Variants in BIRC6 observed in about 807,000 individuals in gnomAD.
The protein encoded by BIRC6 is dual E2 ubiquitin-conjugating enzyme/E3 ubiquitin-protein ligase BIRC6.
A neutral mutation model predicts 503.3 loss-of-function variants in BIRC6; 98 were observed. That is an observed-to-expected ratio of 0.19 (90% confidence interval 0.17 to 0.23). The LOEUF is 0.23. Among genes scored for constraint, BIRC6 ranks in the 10% least tolerant of loss-of-function variants. BIRC6 has a pLI of 1.00. For synonymous variants in BIRC6, 2,240 were observed against 2,078.7 expected (o/e 1.08, Z -2.11); for missense variants, 5,360 against 5,806.0 (o/e 0.92, Z 2.50).
chr2:32,602,926 T>A, intron 70 of BIRC6, 80 bp from the exon 71 acceptor site: 1 of 1,196,052 alleles, frequency 8.4e-7, no homozygotes, highest in Non-Finnish European at 1.2e-6. Flanking sequence ...AGGATAGCAT[T>A]TTGTTTTTAC....
chr2:32,575,389 C>G (rs748441908), intron 66 of BIRC6, 23 bp downstream of exon 66: 11 of 1,602,602 alleles, frequency 6.9e-6, no homozygotes, highest in Non-Finnish European at 9.4e-6. Context: ...ATGTTCATTT[C>G]TCTTGAGTTT....
chr2:32,504,922 T>C, intron 49 of BIRC6, 83 bp from the exon 50 acceptor site: 8 of 1,228,176 alleles, frequency 6.5e-6, no homozygotes, highest in Admixed American at 2.3e-5. Context: ...ATTTTTCTAG[T>C]TTAATTGTAT....
At chr2:32,379,662 A>G (rs1161467569) in intron 2 of BIRC6, 1 of 152,180 alleles carries the variant, frequency 6.6e-6, no homozygotes, top group East Asian at 1.9e-4. Flanking sequence ...CAGTGTAGAT[A>G]TATTCTTTTC....
intron 66 of BIRC6, among the ~76,000 whole-genome samples, chr2:32,587,550 C>G (rs1437213634): frequency 6.6e-6 from 1 of 151,918 alleles, no homozygotes; most frequent in South Asian, 2.1e-4. Flanking sequence ...AAGGCAAAAC[C>G]CTGTCTCTAC....
intron 3 of BIRC6, among the ~76,000 whole-genome samples, chr2:32,381,976 A>G (rs149825665): frequency 6.6e-6 from 1 of 152,032 alleles, no homozygotes; most frequent in Admixed American, 6.5e-5. Context: ...ACCTTACTCT[A>G]TTGATGGGGC....
At chr2:32,560,227 T>G (rs969792579) in intron 65 of BIRC6, among the ~76,000 whole-genome samples, 1 of 152,240 alleles carries the variant, frequency 6.6e-6, no homozygotes, top group Admixed American at 6.5e-5. Flanking sequence ...TTGAGATATT[T>G]TTTAAAGTAC....
At chr2:32,385,415 A>G (rs2038292091) in intron 3 of BIRC6, among the ~76,000 whole-genome samples, 1 of 152,200 alleles carries the variant, frequency 6.6e-6, no homozygotes, top group Non-Finnish European at 1.5e-5. Context: ...GGTGCTCAAT[A>G]TTATGGTTGG....
At chr2:32,478,267 C>T (rs937800733) in intron 35 of BIRC6, among the ~76,000 whole-genome samples, 2 of 151,672 alleles carry the variant, frequency 1.3e-5, no homozygotes, top group Admixed American at 6.6e-5. Flanking sequence ...AACCTGGGGG[C>T]GATGAGGTTG....
chr2:32,584,546 T>C (rs2060901391), intron 66 of BIRC6, among the ~76,000 whole-genome samples: 1 of 152,004 alleles, frequency 6.6e-6, no homozygotes, highest in South Asian at 2.1e-4. Flanking sequence ...AATAAATAAA[T>C]AAATAAAAGT....
Position 32,543,253 on chromosome 2 carries a change from G to A in BIRC6, c.12304G>A (p.Val4102Ile). 1 of 1,613,710 alleles carries A rather than the reference G, an allele frequency of 6.2e-7. No homozygotes were observed. Among genetic ancestry groups the A allele is most frequent in the Non-Finnish European group, 8.5e-7 (1 of 1,179,646 alleles). Residue 4102 changes from valine (V) to isoleucine (I), a missense_variant, in exon 62 of 74, where the codon GTT becomes ATT. Physicochemically the swap from Val to Ile is conservative, Grantham distance 29. This residue lies in a region of BIRC6 where 878 missense variants were observed against 928.9 expected (regional missense o/e 0.95). Coordinates refer to ENST00000421745, the MANE Select transcript of BIRC6 (RefSeq NM_016252.4). Reference protein sequence around the residue: ...PEVIQQVSAPVVTSTTQEKPK... With the variant: ...PEVIQQVSAPIVTSTTQEKPK... ...TCTTTTTCTTTAGGTGAGTGCTCCA[G>A]TTGTAACATCTACCACTCAGGAAAA...
rs1491452408 is a variant in BIRC6, at chr2:32,473,706, C to CAT, written c.6720+467_6720+468insAT. Among the ~76,000 whole-genome samples, 584 of 72,694 alleles carry CAT rather than the reference C, an allele frequency of 8.0e-3. 5 individuals carry two copies. Among genetic ancestry groups the CAT allele is most frequent in the African/African-American group, 0.031 (564 of 18,090 alleles). The allele number at this position is 72,694 out of a possible 152,430, so 47.7% of individuals were successfully genotyped here. ...TTTCCATGTCTTTTTTCTCCTTTTT[C>CAT]GTGTGTGTGTGTGTGTGTGTGTGTG... On this transcript the variant is annotated intron_variant, in intron 33 of 73. Transcript: ENST00000421745.
chr2:32,502,664 A>G (rs2053334048), intron 47 of BIRC6, 131 bp from the exon 48 acceptor site: 1 of 593,474 alleles, frequency 1.7e-6, no homozygotes, highest in Non-Finnish European at 2.7e-6. Flanking sequence ...ATTTTGGCAG[A>G]CATTTTGTAT....
chr2:32,369,926 T>TAAAAAAAAAAA (rs756693528), intron 1 of BIRC6, among the ~76,000 whole-genome samples: 6 of 37,790 alleles, frequency 1.6e-4, no homozygotes, highest in African/African-American at 3.7e-4. Flanking sequence ...CCCTGTCTCT[T>TAAAAAAAAAAA]AAAAAAAAAA....
chr2:32,519,234 A>G, intron 57 of BIRC6: 1 of 276,950 alleles, frequency 3.6e-6, no homozygotes, highest in East Asian at 7.5e-5. Context: ...CCATCTGGTC[A>G]TTTTATACTA....
intron 9 of BIRC6, 38 bp downstream of exon 9, chr2:32,406,595 C>G (rs773953479): frequency 1.4e-6 from 2 of 1,449,604 alleles, no homozygotes; most frequent in East Asian, 2.3e-5. Flanking sequence ...TTAAAAAATT[C>G]TTTACACAGT....
intron 65 of BIRC6, chr2:32,563,449 G>A (rs2059332237): frequency 1.3e-5 from 2 of 152,048 alleles, no homozygotes; most frequent in African/African-American, 2.4e-5. Flanking sequence ...GTTGAAAAGA[G>A]GCTACATGAT....
rs1444534228 is a variant in BIRC6 at position 32,392,121 on chromosome 2, C to G, written c.922C>G (p.Pro308Ala). ...HVGYRWAQPD[P>A]MAQAGFYHQP... ...AGGCTATAGGTGGGCACAACCAGATCCCATGGCTCAAGCTGGATTTTATCA... is the reference window on the plus strand; with the variant it reads ...AGGCTATAGGTGGGCACAACCAGATGCCATGGCTCAAGCTGGATTTTATCA... Residue 308 changes from proline (P) to alanine (A), a missense_variant, in exon 5 of 74, where the codon CCC becomes GCC. Pro to Ala is a conservative substitution (Grantham distance 27). This residue lies in a region of BIRC6 where 92 missense variants were observed against 176.7 expected (regional missense o/e 0.52). Coordinates refer to ENST00000421745, the MANE Select transcript of BIRC6 (RefSeq NM_016252.4). 2 of 1,592,856 alleles carry G rather than the reference C, an allele frequency of 1.3e-6. No individual in the cohort carries two copies. The highest frequency in any genetic ancestry group is 1.7e-6 in the Non-Finnish European group (2 of 1,168,484).
chr2:32,464,826 A>T lies in BIRC6; in HGVS notation c.5256+3A>T. 1 of 1,598,524 alleles carries T rather than the reference A, an allele frequency of 6.3e-7. No individual in the cohort carries two copies. The highest frequency in any genetic ancestry group is 8.5e-7 in the Non-Finnish European group (1 of 1,171,104). On this transcript the variant is annotated splice_donor_region_variant and intron_variant, in intron 25 of 73. Coordinates refer to ENST00000421745, the MANE Select transcript of BIRC6 (RefSeq NM_016252.4). ...AAAATTCCAACAAGTCCAGAATGGTAAATTATGTTTTAAATAGGTGTTGGC... is the reference window on the plus strand; with the variant it reads ...AAAATTCCAACAAGTCCAGAATGGTTAATTATGTTTTAAATAGGTGTTGGC...
intron 56 of BIRC6, 77 bp downstream of exon 56, chr2:32,518,474 CTA>C (rs2055302179): frequency 2.1e-6 from 3 of 1,430,410 alleles, no homozygotes; most frequent in Non-Finnish European, 2.8e-6. Context: ...CAGTTACCTC[CTA>C]TGTTCTAACT....
Sources: allele counts gnomAD v4.1 joint callset (sites outside exome capture counted in the v4.1 genomes callset), GRCh38; gene constraint gnomAD v4.1.1; regional missense constraint gnomAD v4.1.1; transcripts MANE v1.5; gene names NCBI Gene and HGNC (gene_info 2026-07-23, HGNC 2026-07-21).